The following SLC25A12 variants were observed in gnomAD, a reference collection of about 807,000 sequenced individuals.
SLC25A12 encodes the protein solute carrier family 25 member 12.
SLC25A12 carries 32 observed loss-of-function variants against 83.3 expected under a neutral mutation model. That is an observed-to-expected ratio of 0.38 (90% CI 0.29 to 0.52). The LOEUF (loss-of-function observed/expected upper bound fraction) is 0.52. Among genes scored for constraint, SLC25A12 ranks in the 20% least tolerant of loss-of-function variants. The probability of loss-of-function intolerance (pLI) is 0.84; values close to 1 mark genes in which losing one functional copy is unlikely to be tolerated. For missense variants in SLC25A12, 611 were observed against 835.6 expected (o/e 0.73, Z 3.31); for synonymous variants, 267 against 291.1 (o/e 0.92, Z 0.84).
intron 13 of SLC25A12, among the ~76,000 whole-genome samples, chr2:171,808,279 T>C (rs1012864568): frequency 2.8e-5 from 4 of 141,034 alleles, no homozygotes; most frequent in Admixed American, 1.4e-4. Flanking sequence ...TTTCTGTCAA[T>C]AGCTGAAATG....
At chr2:171,819,512 A>G (rs1684140716) in intron 9 of SLC25A12, among the ~76,000 whole-genome samples, 1 of 142,696 alleles carries the variant, frequency 7.0e-6, no homozygotes, top group South Asian at 2.2e-4. Flanking sequence ...TAAACAATAC[A>G]TATTTTTCTC....
intron 2 of SLC25A12, among the ~76,000 whole-genome samples, chr2:171,877,069 G>C (rs1202994582): frequency 6.6e-6 from 1 of 152,150 alleles, no homozygotes; most frequent in African/African-American, 2.4e-5. Flanking sequence ...AGTATAGTTA[G>C]CATGTGCTCA....
At chr2:171,880,621 T>C (rs1685671059) in intron 2 of SLC25A12, among the ~76,000 whole-genome samples, 1 of 152,194 alleles carries the variant, frequency 6.6e-6, no homozygotes, top group Admixed American at 6.5e-5. Flanking sequence ...AAGGGAATAC[T>C]GTGTGATGCT....
intron 2 of SLC25A12, among the ~76,000 whole-genome samples, chr2:171,884,907 G>A (rs1685783117): frequency 1.3e-5 from 2 of 152,014 alleles, no homozygotes; most frequent in Admixed American, 1.3e-4. Flanking sequence ...CTGGTACATA[G>A]TAGGCAATTA....
rs1411918366 is a variant in SLC25A12 at position 171,785,102 on chromosome 2, TC to T, written c.*171del. 1.7e-5 allele frequency: 11 copies of T among 656,084 alleles called. No individual in the cohort carries two copies. Among genetic ancestry groups the T allele is most frequent in the Non-Finnish European group, 2.9e-5 (11 of 372,984 alleles). 40.6% of individuals were successfully genotyped at this position (656,084 alleles called of 1,614,324 possible). On this transcript the variant is annotated 3_prime_UTR_variant, in exon 18 of 18. Coordinates refer to ENST00000422440, the MANE Select transcript of SLC25A12 (RefSeq NM_003705.5). ...AGCTTGAAACAGCGTTGTGGTTTTT[TC>T]CCTGGGCAAATGATTATTTTATAAA...
chr2:171,824,850 G>C (rs1684267298), intron 9 of SLC25A12, among the ~76,000 whole-genome samples: 1 of 151,516 alleles, frequency 6.6e-6, no homozygotes, highest in Non-Finnish European at 1.5e-5. Flanking sequence ...TGTTGCCCAA[G>C]CTGGAGTGTA....
chr2:171,837,794 C>G (rs1684588927), intron 5 of SLC25A12, among the ~76,000 whole-genome samples: 1 of 152,116 alleles, frequency 6.6e-6, no homozygotes, highest in South Asian at 2.1e-4. Flanking sequence ...CAGTGAGAAA[C>G]TCTACCAACT....
chr2:171,832,148 G>A (rs934853011), intron 8 of SLC25A12, among the ~76,000 whole-genome samples: 6 of 152,080 alleles, frequency 3.9e-5, no homozygotes, highest in East Asian at 3.9e-4. Flanking sequence ...CACAGTCTAA[G>A]TACTGCCAAG....
intron 3 of SLC25A12, among the ~76,000 whole-genome samples, chr2:171,859,908 C>T (rs1685119687): frequency 6.6e-6 from 1 of 152,092 alleles, no homozygotes; most frequent in Non-Finnish European, 1.5e-5. Context: ...GCTGGGATTA[C>T]AGGTGCGTGC....
In SLC25A12 at chr2:171,807,270, T is replaced by C. The variant is rs1405447782; in HGVS notation, c.1305+2336A>G. ...ATTTTTCATGCTGTCAATTTCCCACTAGACAATCCATCAAAGCCTCCAGAA... is the reference window on the plus strand; with the variant it reads ...ATTTTTCATGCTGTCAATTTCCCACCAGACAATCCATCAAAGCCTCCAGAA... On this transcript the variant is annotated intron_variant, in intron 13 of 17. Coordinates refer to ENST00000422440, the MANE Select transcript of SLC25A12 (RefSeq NM_003705.5). 2.6e-5 allele frequency among the ~76,000 whole-genome samples: 4 copies of C among 152,146 alleles called. No individual in the cohort carries two copies. In the East Asian group the frequency reaches 7.7e-4, roughly 29 times the overall value.
chr2:171,892,950 A>AT (rs942384081), intron 2 of SLC25A12, among the ~76,000 whole-genome samples: 6 of 151,852 alleles, frequency 4.0e-5, no homozygotes, highest in African/African-American at 1.5e-4. Context: ...TAAGCTGGAA[A>AT]TTTTTTTTCA....
At chr2:171,871,748 A>C (rs1685461994) in intron 2 of SLC25A12, 1 of 984,884 alleles carries the variant, frequency 1.0e-6, no homozygotes, top group Non-Finnish European at 1.2e-6. Context: ...CTTTCTTCTA[A>C]AACTTTTAGT....
At chr2:171,788,067 C>T (rs1263340602) in intron 15 of SLC25A12, 120 bp from the exon 16 acceptor site, 2 of 959,090 alleles carry the variant, frequency 2.1e-6, no homozygotes, top group Non-Finnish European at 3.2e-6. Flanking sequence ...AAACTCTTTA[C>T]ATAGATGTCT....
At chr2:171,789,522 T>C (rs1486211339) in intron 15 of SLC25A12, among the ~76,000 whole-genome samples, 1 of 151,992 alleles carries the variant, frequency 6.6e-6, no homozygotes, top group Non-Finnish European at 1.5e-5. Flanking sequence ...GCCACCAAGC[T>C]CGGCCTCAGC....
At chr2:171,807,288 C>T (rs555835281) in intron 13 of SLC25A12, among the ~76,000 whole-genome samples, 18 of 152,242 alleles carry the variant, frequency 1.2e-4, no homozygotes, top group Non-Finnish European at 2.1e-4. Context: ...CCATCAAAGC[C>T]TCCAGAAATG....
Position 171,785,241 on chromosome 2 carries a change from G to A in SLC25A12, c.*33C>T. 6.2e-7 allele frequency: 1 copy of A among 1,608,316 alleles called. No homozygotes were observed. Among genetic ancestry groups the A allele is most frequent in the Non-Finnish European group, 8.5e-7 (1 of 1,175,088 alleles). ...TGCTCTCCTAGGCCTCTTTCTTCAA[G>A]GCGCCATTTTGCCACACTCAACAGT... On this transcript the variant is annotated 3_prime_UTR_variant, in exon 18 of 18. Transcript: ENST00000422440.
intron 2 of SLC25A12, among the ~76,000 whole-genome samples, chr2:171,879,985 T>C (rs1195810783): frequency 6.6e-6 from 1 of 152,188 alleles, no homozygotes; most frequent in Non-Finnish European, 1.5e-5. Context: ...AAATTGATGA[T>C]AAGACTTTTT....
intron 2 of SLC25A12, among the ~76,000 whole-genome samples, chr2:171,872,158 A>G (rs1194427417): frequency 6.6e-6 from 1 of 152,126 alleles, no homozygotes; most frequent in Non-Finnish European, 1.5e-5. Context: ...GTGAGTCCCT[A>G]GACAAGTTTA....
intron 5 of SLC25A12, among the ~76,000 whole-genome samples, chr2:171,840,887 A>G (rs559729679): frequency 1.3e-5 from 2 of 152,326 alleles, no homozygotes; most frequent in African/African-American, 4.8e-5. Flanking sequence ...AAAAATATTA[A>G]AACACTCCCG....
Sources: gnomAD v4.1 joint callset for allele counts (sites outside exome capture counted in the v4.1 genomes callset) on GRCh38, gnomAD v4.1.1 for gene constraint, MANE v1.5 for transcripts, NCBI Gene and HGNC (gene_info 2026-07-23, HGNC 2026-07-21) for gene names.